Variants in CCDC171 observed in about 807,000 individuals in gnomAD.
CCDC171 encodes the protein coiled-coil domain-containing protein 171.
In CCDC171, 177 loss-of-function variants were observed where a neutral mutation model predicts 168.2. The ratio of observed to expected loss-of-function variants is 1.05; its 90% CI spans 0.93 to 1.19. CCDC171 has a LOEUF of 1.19. Among genes scored for constraint, CCDC171 ranks in the 50% most tolerant of loss-of-function variants. CCDC171 has a pLI of 0.00. For synonymous variants in CCDC171, 687 were observed against 540.8 expected (o/e 1.27, Z -3.75); for missense variants, 1,991 against 1,539.0 (o/e 1.29, Z -4.91).
At chr9:15,673,158 T>C (rs1025869657) in intron 9 of CCDC171, among the ~76,000 whole-genome samples, 7 of 152,196 alleles carry the variant, frequency 4.6e-5, no homozygotes, top group Non-Finnish European at 7.4e-5. Context: ...TGTCTGTCTG[T>C]TATTGGTGTA....
intron 7 of CCDC171, among the ~76,000 whole-genome samples, chr9:15,627,732 T>G (rs1011627629): frequency 7.9e-5 from 12 of 152,338 alleles, no homozygotes; most frequent in African/African-American, 2.9e-4. Flanking sequence ...AGTGCTTCAC[T>G]TCCAACTTTG....
At chr9:15,562,978 A>G (rs2039432769) in intron 1 of CCDC171, among the ~76,000 whole-genome samples, 1 of 152,074 alleles carries the variant, frequency 6.6e-6, no homozygotes, top group African/African-American at 2.4e-5. Context: ...GAATCAGATG[A>G]GTTTTCTTAT....
chr9:15,765,229 C>T (rs1043043892), intron 18 of CCDC171, among the ~76,000 whole-genome samples: 1 of 152,086 alleles, frequency 6.6e-6, no homozygotes, highest in African/African-American at 2.4e-5. Flanking sequence ...CTGTTAAAGA[C>T]AGTTTTTATG....
At chr9:15,876,509 G>T (rs10810461) in intron 24 of CCDC171, among the ~76,000 whole-genome samples, 51,800 of 151,918 alleles carry the variant, frequency 0.34, 10,998 homozygotes, top group East Asian at 0.61. Context: ...GCAAGGAAAA[G>T]GCAGAGCCTG....
chr9:16,058,055 T>A (rs6475002), intron 1 of CCDC171, among the ~76,000 whole-genome samples: 57,465 of 142,190 alleles, frequency 0.4, 12,292 homozygotes, highest in East Asian at 0.52. Flanking sequence ...AAAAAAAAAA[T>A]AATAATAATA....
chr9:15,869,352 C>G (rs1055379093), intron 23 of CCDC171, among the ~76,000 whole-genome samples: 2 of 151,886 alleles, frequency 1.3e-5, no homozygotes, highest in African/African-American at 4.8e-5. Flanking sequence ...ATTGCATTGA[C>G]ACACTTTGAT....
chr9:15,616,213 A>C (rs1260716932), intron 6 of CCDC171, among the ~76,000 whole-genome samples: 1 of 152,078 alleles, frequency 6.6e-6, no homozygotes, highest in East Asian at 1.9e-4. Context: ...TGGCCTCCCA[A>C]AGTGCTGGGA....
At chr9:15,661,652 C>G (rs2048331968) in intron 8 of CCDC171, among the ~76,000 whole-genome samples, 1 of 152,268 alleles carries the variant, frequency 6.6e-6, no homozygotes, top group South Asian at 2.1e-4. Context: ...ATCTTATAAA[C>G]TACTGTTGAA....
At chr9:15,849,810 C>G (rs966341899) in intron 23 of CCDC171, among the ~76,000 whole-genome samples, 2 of 151,682 alleles carry the variant, frequency 1.3e-5, no homozygotes, top group Non-Finnish European at 2.9e-5. Flanking sequence ...TACCCTAAAA[C>G]TAACCTTTTG....
At chr9:15,649,500 C>A (rs1260635341) in intron 7 of CCDC171, among the ~76,000 whole-genome samples, 1 of 152,152 alleles carries the variant, frequency 6.6e-6, no homozygotes, top group Admixed American at 6.5e-5. Flanking sequence ...ATCTACTCAT[C>A]TGACAAAGGG....
At chr9:15,713,451 G>A (rs1178589948) in intron 11 of CCDC171, among the ~76,000 whole-genome samples, 1 of 152,052 alleles carries the variant, frequency 6.6e-6, no homozygotes, top group East Asian at 1.9e-4. Flanking sequence ...CAACTTATTT[G>A]TGCCTTCGGG....
intron 25 of CCDC171, among the ~76,000 whole-genome samples, chr9:15,921,806 G>C (rs1417978881): frequency 6.6e-6 from 1 of 151,204 alleles, no homozygotes; most frequent in Non-Finnish European, 1.5e-5. Context: ...ATTTATTCTA[G>C]CCTTTTTCAT....
In CCDC171 at chr9:15,724,935, G is replaced by A. The variant is rs368225355; in HGVS notation, c.1651G>A (p.Glu551Lys). 1.1e-5 allele frequency: 17 copies of A among 1,613,840 alleles called. No individual in the cohort carries two copies. The highest frequency in any genetic ancestry group is 4.0e-5 in the African/African-American group (3 of 74,918). ...EKAQAAQSES[E>K]LQKLSQAFHK... The stretch of plus-strand genomic sequence containing the variant: ...GGCTCAGGCAGCCCAGTCTGAAAGT[G>A]AACTGCAGAAGCTTTCCCAGGCTTT... The change falls in exon 14 of 26, where the codon GAA becomes AAA. Residue 551 changes from glutamate (E) to lysine (K), a missense_variant. Coordinates refer to ENST00000380701, the MANE Select transcript of CCDC171 (RefSeq NM_173550.4).
At chr9:15,845,514 T>G (rs982914209) in intron 21 of CCDC171, 1 of 152,092 alleles carries the variant, frequency 6.6e-6, no homozygotes, top group Non-Finnish European at 1.5e-5. Context: ...TGGTTTAACA[T>G]GTATGCAGCT....
Position 15,805,863 on chromosome 9 carries a change from A to T in CCDC171, c.3267+21169A>T, listed in dbSNP as rs554258448. Among the ~76,000 whole-genome samples, 7 of 151,906 alleles carry T rather than the reference A, an allele frequency of 4.6e-5. No homozygotes were observed. The South Asian group carries it at 1.5e-3, about 32-fold the overall frequency. On this transcript the variant is annotated intron_variant, in intron 21 of 25. Transcript: ENST00000380701. ...CAACGGGGTATTAAAGTCTCCCAGTATTATTGTGTATTATTGTCTGGGAGA... is the reference window on the plus strand; with the variant it reads ...CAACGGGGTATTAAAGTCTCCCAGTTTTATTGTGTATTATTGTCTGGGAGA...
intron 11 of CCDC171, among the ~76,000 whole-genome samples, chr9:15,710,016 T>C: frequency 6.6e-6 from 1 of 152,286 alleles, no homozygotes; most frequent in East Asian, 1.9e-4. Flanking sequence ...GTATTATATA[T>C]CTGTATAATA....
intron 25 of CCDC171, among the ~76,000 whole-genome samples, chr9:15,954,148 TTTC>T (rs1172296700): frequency 7.5e-6 from 1 of 132,904 alleles, no homozygotes; most frequent in African/African-American, 2.4e-5. Context: ...CTCTACTTAC[TTTC>T]TTTTTTTTTT....
chr9:15,865,928 C>G (rs539233301), intron 23 of CCDC171, among the ~76,000 whole-genome samples: 2 of 151,746 alleles, frequency 1.3e-5, no homozygotes, highest in Non-Finnish European at 2.9e-5. Context: ...ACTTAGAAAA[C>G]TCAGGGATTG....
chr9:15,946,575 C>T (rs4961526), intron 25 of CCDC171, among the ~76,000 whole-genome samples: 46,985 of 151,796 alleles, frequency 0.31, 9,166 homozygotes, highest in East Asian at 0.64. Context: ...GAATCAATAT[C>T]GTGAAAATGG....
Sources: allele counts gnomAD v4.1 joint callset (sites outside exome capture counted in the v4.1 genomes callset), GRCh38; gene constraint gnomAD v4.1.1; transcripts MANE v1.5; gene names NCBI Gene and HGNC (gene_info 2026-07-23, HGNC 2026-07-21).